MFSD11: variants seen among roughly 807,000 people sequenced by gnomAD.
MFSD11 encodes major facilitator superfamily domain containing 11, also known as UNC93-like protein MFSD11.
Under a neutral mutation model 53.5 loss-of-function variants are expected in MFSD11, and 36 were observed. The observed-to-expected ratio is 0.67, with a 90% CI of 0.52 to 0.89. The LOEUF is 0.89. MFSD11 is among the 40% of genes least tolerant of loss of function. The pLI is 0.00. For missense variants in MFSD11, 530 were observed against 543.9 expected, an observed-to-expected ratio of 0.97 and a Z score of 0.25; for synonymous variants, 186 against 184.9, an observed-to-expected ratio of 1.01 and a Z score of -0.05.
chr17:76,763,559 C>T (rs1295492747), intron 8 of MFSD11, among the ~76,000 whole-genome samples: 14 of 152,090 alleles, frequency 9.2e-5, no homozygotes, highest in African/African-American at 2.4e-4. Context: ...CCACCGTGCC[C>T]GGCCCTAGTT....
chr17:76,759,842 T>C (rs1291151123), intron 8 of MFSD11, among the ~76,000 whole-genome samples: 1 of 141,092 alleles, frequency 7.1e-6, no homozygotes, highest in Non-Finnish European at 1.5e-5. Flanking sequence ...TTTGAACTCC[T>C]GACCTCAAGT....
At chr17:76,777,574 T>C (rs1203291650) in intron 12 of MFSD11, among the ~76,000 whole-genome samples, 2 of 140,340 alleles carry the variant, frequency 1.4e-5, no homozygotes, top group African/African-American at 6.5e-5. Flanking sequence ...TTGTTTCCTC[T>C]TTTTTTTTCC....
At chr17:76,798,391 G>T in the MFSD11 span, among the ~76,000 whole-genome samples, 1 of 152,118 alleles carries the variant, frequency 6.6e-6, no homozygotes, top group Non-Finnish European at 1.5e-5. Flanking sequence ...ATTTTATGCA[G>T]CTTAATGGCA....
At chr17:76,799,092 CAGAA>C in the MFSD11 span, 1 of 150,224 alleles carries the variant, frequency 6.7e-6, no homozygotes, top group Non-Finnish European at 1.5e-5. Flanking sequence ...GATGTAGACA[CAGAA>C]GGAATCTTGG....
At chr17:76,750,458 C>T (rs919166896) in intron 7 of MFSD11, among the ~76,000 whole-genome samples, 31 of 149,678 alleles carry the variant, frequency 2.1e-4, no homozygotes, top group Admixed American at 4.7e-4. Context: ...CCCGGGTGCA[C>T]GCCATTCTCC....
chr17:76,736,734 G>T, upstream of MFSD11: 5 of 1,384,764 alleles, frequency 3.6e-6, no homozygotes, highest in Non-Finnish European at 4.7e-6. Context: ...GCGGACCTTT[G>T]TGAGGTCGCC....
chr17:76,779,842 C>A (rs1057386240), downstream of MFSD11, among the ~76,000 whole-genome samples: 2 of 152,128 alleles, frequency 1.3e-5, no homozygotes, highest in Non-Finnish European at 1.5e-5. Context: ...TTGAAAAAGA[C>A]AAACATATTT....
the MFSD11 span, among the ~76,000 whole-genome samples, chr17:76,799,911 C>T: frequency 2.0e-5 from 3 of 151,800 alleles, no homozygotes; most frequent in Admixed American, 2.0e-4. Context: ...GCTATTCCAG[C>T]CACTCCTATA....
In MFSD11 at chr17:76,775,056, C is replaced by T. The variant is rs769774927; in HGVS notation, c.934C>T (p.Leu312=). 6.2e-7 allele frequency: 1 copy of T among 1,614,074 alleles called. No individual in the cohort carries two copies. The highest frequency in any genetic ancestry group is 8.5e-7 in the Non-Finnish European group (1 of 1,179,956). Residue 312 remains leucine, a synonymous_variant, in exon 11 of 13, where the codon CTG becomes TTG. Coordinates refer to ENST00000685175, the MANE Select transcript of MFSD11 (RefSeq NM_001242532.5). ...TCGTTTTGGTAGAAATCCAGTTGTG[C>T]TGTTGGGCATCCTGGTGCACTTCAT... is the stretch of plus-strand genomic sequence containing the variant. The part of the protein sequence containing the change: ...NNRFGRNPVV[L]LGILVHFIAF...
the MFSD11 span, among the ~76,000 whole-genome samples, chr17:76,796,943 G>T: frequency 6.6e-6 from 1 of 152,158 alleles, no homozygotes; most frequent in East Asian, 1.9e-4. Context: ...GCCGAGGCAG[G>T]CAGATCACGA....
At chr17:76,758,993 C>T (rs112967037) in intron 8 of MFSD11, among the ~76,000 whole-genome samples, 2,759 of 152,170 alleles carry the variant, frequency 0.018, 91 homozygotes, top group African/African-American at 0.061. Context: ...ACCTGTAATA[C>T]CAGCACTTTG....
At chr17:76,759,043 C>T (rs887335842) in intron 8 of MFSD11, among the ~76,000 whole-genome samples, 6 of 151,842 alleles carry the variant, frequency 4.0e-5, no homozygotes, top group South Asian at 2.1e-4. Context: ...CTCAGGAGTT[C>T]GAGACCAGCC....
Position 76,763,554 on chromosome 17 carries a change from G to A in MFSD11, c.683-3832G>A, listed in dbSNP as rs145563671. 2.7e-3 allele frequency among the ~76,000 whole-genome samples: 412 copies of A among 152,042 alleles called. 2 individuals carry two copies. Among genetic ancestry groups the A allele is most frequent in the African/African-American group, 8.8e-3 (365 of 41,480 alleles). ...GCTGGGATTACAGGCGTGAGCCACC[G>A]TGCCCGGCCCTAGTTAGATCCTTTG... is the stretch of plus-strand genomic sequence containing the variant. On this transcript the variant is annotated intron_variant, in intron 8 of 12. Coordinates refer to ENST00000685175, the MANE Select transcript of MFSD11 (RefSeq NM_001242532.5).
chr17:76,742,730 T>C (rs1430317586), intron 5 of MFSD11, among the ~76,000 whole-genome samples: 1 of 152,128 alleles, frequency 6.6e-6, no homozygotes, highest in East Asian at 1.9e-4. Context: ...GGTCTCGAAC[T>C]CCTGACCTTG....
chr17:76,767,256 G>T, intron 8 of MFSD11, 130 bp from the exon 9 acceptor site: 1 of 591,412 alleles, frequency 1.7e-6, no homozygotes. Flanking sequence ...ATTTTAATCT[G>T]AAAGTTATAT....
the MFSD11 span, among the ~76,000 whole-genome samples, chr17:76,794,746 G>C: frequency 7.6e-6 from 1 of 131,926 alleles, no homozygotes; most frequent in Non-Finnish European, 1.5e-5. Context: ...AGGCTGGAGT[G>C]CAGTGGTGTG....
At position 76,778,259 on chromosome 17, in the gene MFSD11, G is replaced by A; in HGVS notation, c.1257G>A (p.Val419=). ...TTCACTGGCAACTCCTGGTCATGGTGATATTTGGGTTTTTTGGAACAATTT... is the reference window on the plus strand; with the variant it reads ...TTCACTGGCAACTCCTGGTCATGGTAATATTTGGGTTTTTTGGAACAATTT... ...LLLHWQLLVM[V]IFGFFGTISF... is the part of the protein sequence containing the mutation. Residue 419 remains valine, a synonymous_variant, in exon 13 of 13, where the codon GTG becomes GTA. Transcript: ENST00000685175. 1 of 1,614,174 alleles carries A rather than the reference G, an allele frequency of 6.2e-7. No homozygotes were observed. Among genetic ancestry groups the A allele is most frequent in the South Asian group, 1.1e-5 (1 of 91,088 alleles).
At chr17:76,741,161 A>G (rs957572332) in intron 3 of MFSD11, 97 bp downstream of exon 3, 48 of 840,800 alleles carry the variant, frequency 5.7e-5, no homozygotes, top group South Asian at 5.2e-4. Context: ...CTTGGACTGA[A>G]TAGAATATAG....
chr17:76,780,904 C>A (rs1235460761), downstream of MFSD11: 1 of 152,142 alleles, frequency 6.6e-6, no homozygotes, highest in East Asian at 1.9e-4. Flanking sequence ...TTACAAATGC[C>A]CTTTTAGACT....
Sources: allele counts gnomAD v4.1 joint callset (sites outside exome capture counted in the v4.1 genomes callset), GRCh38; gene constraint gnomAD v4.1.1; transcripts MANE v1.5; gene names NCBI Gene and HGNC (gene_info 2026-07-23, HGNC 2026-07-21).